The following EFCAB8 variants were observed in gnomAD, a reference collection of about 807,000 sequenced individuals.
EFCAB8 encodes the protein EF-hand calcium-binding domain-containing protein 8.
EFCAB8 carries 100 observed loss-of-function variants against 116.3 expected under a neutral mutation model. That is an observed-to-expected ratio of 0.86 (90% CI 0.73 to 1.02). The LOEUF is 1.02. Among genes scored for constraint, EFCAB8 ranks in the 50% least tolerant of loss-of-function variants. The probability of loss-of-function intolerance (pLI) is 0.00; values close to 1 mark genes in which losing one functional copy is unlikely to be tolerated. For missense variants in EFCAB8, 1,320 were observed against 1,416.9 expected (o/e 0.93, Z 1.10); for synonymous variants, 558 against 567.9 (o/e 0.98, Z 0.25).
chr20:32,902,199 G>A (rs1326473949), intron 11 of EFCAB8, among the ~76,000 whole-genome samples: 1 of 152,104 alleles, frequency 6.6e-6, no homozygotes, highest in Non-Finnish European at 1.5e-5. Flanking sequence ...AACTGGTGTG[G>A]TCTGGCTTAT....
chr20:32,891,828 T>G (rs1985929017), intron 7 of EFCAB8, among the ~76,000 whole-genome samples: 3 of 57,924 alleles, frequency 5.2e-5, no homozygotes, highest in Admixed American at 5.0e-4. Context: ...AAGGAGTCAG[T>G]TTTTTTTTTT....
intron 3 of EFCAB8, among the ~76,000 whole-genome samples, chr20:32,871,153 TCTCTAC>T: frequency 1.3e-5 from 2 of 152,082 alleles, no homozygotes; most frequent in African/African-American, 4.8e-5. Flanking sequence ...TGCCCGGCCC[TCTCTAC>T]TTCTTCTTTT....
intron 3 of EFCAB8, among the ~76,000 whole-genome samples, chr20:32,871,672 AT>A (rs1416721162): frequency 6.6e-6 from 1 of 152,068 alleles, no homozygotes; most frequent in Non-Finnish European, 1.5e-5. Flanking sequence ...AAATAGGATC[AT>A]TTTTCTCTTT....
intron 2 of EFCAB8, among the ~76,000 whole-genome samples, chr20:32,865,039 G>T (rs1030539334): frequency 1.3e-5 from 2 of 152,208 alleles, no homozygotes; most frequent in African/African-American, 4.8e-5. Flanking sequence ...TAGCCTGTAA[G>T]TGAGGGAGCC....
intron 20 of EFCAB8, among the ~76,000 whole-genome samples, chr20:32,928,672 TTC>T (rs1237832572): frequency 6.6e-6 from 1 of 152,232 alleles, no homozygotes; most frequent in African/African-American, 2.4e-5. Context: ...ATAATTTTAC[TTC>T]TTTCTTTCCA....
chr20:32,908,750 A>T (rs183198862), intron 14 of EFCAB8, among the ~76,000 whole-genome samples: 1 of 152,150 alleles, frequency 6.6e-6, no homozygotes, highest in African/African-American at 2.4e-5. Context: ...TGTCTCAGTC[A>T]TGAGCCTCAT....
At chr20:32,924,777 G>A (rs1185008694) in intron 20 of EFCAB8, among the ~76,000 whole-genome samples, 1 of 152,194 alleles carries the variant, frequency 6.6e-6, no homozygotes, top group Non-Finnish European at 1.5e-5. Context: ...GCAAAAGATT[G>A]AATGTCTATT....
chr20:32,943,000 A>G (rs1271317808), intron 22 of EFCAB8, among the ~76,000 whole-genome samples: 2 of 152,214 alleles, frequency 1.3e-5, no homozygotes, highest in African/African-American at 2.4e-5. Context: ...CTGACTTTCC[A>G]TACTTGAATA....
Position 32,893,845 on chromosome 20 carries a change from G to A in EFCAB8, c.883+547G>A, listed in dbSNP as rs76120117. On this transcript the variant is annotated intron_variant, in intron 9 of 26. Coordinates refer to ENST00000400522, the MANE Select transcript of EFCAB8 (RefSeq NM_001143967.2). Reference sequence around the variant, plus strand: ...TTGCATGCATCACCTCCCATAATCCGCCCCTACTGTCAGGAGGGAGGAGCC... The same window carrying A: ...TTGCATGCATCACCTCCCATAATCCACCCCTACTGTCAGGAGGGAGGAGCC... Among the ~76,000 whole-genome samples the A allele has an allele frequency of 8.6e-3, 1,306 of 152,170 alleles. 15 individuals carry two copies. The highest frequency in any genetic ancestry group is 0.028 in the African/African-American group (1,151 of 41,516).
chr20:32,893,862 G>C (rs1282945303), intron 9 of EFCAB8, among the ~76,000 whole-genome samples: 1 of 152,162 alleles, frequency 6.6e-6, no homozygotes, highest in Non-Finnish European at 1.5e-5. Flanking sequence ...CTGTCAGGAG[G>C]GAGGAGCCGC....
Position 32,941,398 on chromosome 20 carries a change from CAT to C in EFCAB8, c.2791-2235_2791-2234del, listed in dbSNP as rs1406941179. Among the ~76,000 whole-genome samples the C allele has an allele frequency of 2.7e-5, 4 of 149,820 alleles. 1 individual carries two copies. The highest frequency in any genetic ancestry group is 9.9e-5 in the African/African-American group (4 of 40,358). On this transcript the variant is annotated intron_variant, in intron 22 of 26. Coordinates refer to ENST00000400522, the MANE Select transcript of EFCAB8 (RefSeq NM_001143967.2). ...AGTGTATACCCAAGAGAAATGAAAA[CAT>C]ATGTTCACATAAAATCTTGTACATG...
At chr20:32,875,501 G>GTTTTTTTTTTTTTTTTTTTTTTT (rs1468256873) in intron 3 of EFCAB8, among the ~76,000 whole-genome samples, 1 of 78,070 alleles carries the variant, frequency 1.3e-5, no homozygotes, top group Non-Finnish European at 3.7e-5. Flanking sequence ...TAAACATGGT[G>GTTTTTTTTTTTTTTTTTTTTTTT]GTTTTTTTTT....
At chr20:32,889,636 T>C (rs1309771637) in intron 7 of EFCAB8, among the ~76,000 whole-genome samples, 1 of 152,108 alleles carries the variant, frequency 6.6e-6, no homozygotes, top group Non-Finnish European at 1.5e-5. Flanking sequence ...GCCATACTGG[T>C]CCATCTCTGG....
chr20:32,931,056 T>C, intron 21 of EFCAB8, 122 bp from the exon 22 acceptor site: 2 of 793,058 alleles, frequency 2.5e-6, no homozygotes, highest in Non-Finnish European at 4.0e-6. Flanking sequence ...ATCTCAGAGA[T>C]GTAAGTAAGA....
At chr20:32,864,015 C>A (rs562743042) in intron 2 of EFCAB8, among the ~76,000 whole-genome samples, 181 bp downstream of exon 2, 4 of 151,652 alleles carry the variant, frequency 2.6e-5, no homozygotes, top group African/African-American at 7.2e-5. Flanking sequence ...CTCGCTCTGT[C>A]GCCCAGGCTG....
At chr20:32,864,511 T>C (rs1194859609) in intron 2 of EFCAB8, among the ~76,000 whole-genome samples, 3 of 152,052 alleles carry the variant, frequency 2.0e-5, no homozygotes, top group Non-Finnish European at 4.4e-5. Context: ...GAGCCTGGGA[T>C]GTCGAGGCTA....
At chr20:32,938,523 C>T (rs925445547) in intron 22 of EFCAB8, among the ~76,000 whole-genome samples, 3 of 149,514 alleles carry the variant, frequency 2.0e-5, no homozygotes, top group African/African-American at 7.5e-5. Context: ...CTGCAGATGA[C>T]ATAATCTTAT....
At chr20:32,925,542 G>A (rs1303629985) in intron 20 of EFCAB8, among the ~76,000 whole-genome samples, 1 of 152,128 alleles carries the variant, frequency 6.6e-6, no homozygotes, top group South Asian at 2.1e-4. Context: ...TAGTGGAGAC[G>A]GGGTTTTGCC....
At chr20:32,890,327 C>A (rs1276826146) in intron 7 of EFCAB8, among the ~76,000 whole-genome samples, 1 of 152,224 alleles carries the variant, frequency 6.6e-6, no homozygotes, top group African/African-American at 2.4e-5. Flanking sequence ...TGGCTCTCAT[C>A]TCAGAAGTTA....
Sources: gnomAD v4.1 joint callset for allele counts (sites outside exome capture counted in the v4.1 genomes callset) on GRCh38, gnomAD v4.1.1 for gene constraint, MANE v1.5 for transcripts, NCBI Gene and HGNC (gene_info 2026-07-23, HGNC 2026-07-21) for gene names.